Variants in IL27 observed in about 807,000 individuals in gnomAD.
The protein encoded by IL27 is interleukin 27, also known as interleukin-27 subunit alpha.
In IL27, 11 loss-of-function variants were observed where a neutral mutation model predicts 27.0. The observed-to-expected ratio is 0.41, with a 90% CI of 0.26 to 0.67. IL27 has a LOEUF of 0.67. IL27 is among the 30% of genes least tolerant of loss of function. IL27 has a pLI of 0.34. For synonymous variants in IL27, 134 were observed against 140.6 expected (o/e 0.95, Z 0.33); for missense variants, 299 against 310.4 (o/e 0.96, Z 0.28).
At chr16:28,500,956 T>C (rs574832572) in intron 4 of IL27, among the ~76,000 whole-genome samples, 5 of 152,168 alleles carry the variant, frequency 3.3e-5, no homozygotes, top group Admixed American at 1.3e-4. Flanking sequence ...TCCCAGCACT[T>C]TGGGAAGCCG....
intron 4 of IL27, among the ~76,000 whole-genome samples, chr16:28,501,451 CA>C (rs2046428548): frequency 6.7e-6 from 1 of 148,910 alleles, no homozygotes; most frequent in African/African-American, 2.5e-5. Flanking sequence ...CACACCCACA[CA>C]CTCACACACT....
Position 28,503,901 on chromosome 16 carries a change from C to T in IL27, c.181G>A (p.Val61Ile), listed in dbSNP as rs1163603608. ...LHLARKLLSE[V>I]RGQAHRFAES... Reference sequence around the variant, plus strand: ...ACAAAGCGGTGGGCCTGGCCCCGAACCTCGGAGAGCAGCTTCCTGGCGAGA... The same window carrying T: ...ACAAAGCGGTGGGCCTGGCCCCGAATCTCGGAGAGCAGCTTCCTGGCGAGA... Residue 61 changes from valine (V) to isoleucine (I), a missense_variant, in exon 2 of 5, where the codon GTT becomes ATT. Transcript: ENST00000356897. The T allele has an allele frequency of 6.2e-6, 10 of 1,614,100 alleles. No homozygotes were observed. Among genetic ancestry groups the T allele is most frequent in the Non-Finnish European group, 8.5e-6 (10 of 1,180,038 alleles).
At position 28,502,103 on chromosome 16, in the gene IL27, G is replaced by A. The variant is rs147722011; in HGVS notation, c.335C>T (p.Thr112Met). Reference sequence around the variant, plus strand: ...CAGCAGGGCATGGAAGGGCTGAAGCGTGGTGGAGATGAAGCAGAGACGCTC... The same window carrying A: ...CAGCAGGGCATGGAAGGGCTGAAGCATGGTGGAGATGAAGCAGAGACGCTC... ...DPERLCFIST[T>M]LQPFHALLGG... Residue 112 changes from threonine (T) to methionine (M), a missense_variant, in exon 4 of 5, where the codon ACG becomes ATG. Transcript: ENST00000356897. 1.7e-4 allele frequency: 273 copies of A among 1,612,802 alleles called. No individual in the cohort carries two copies. Among genetic ancestry groups the A allele is most frequent in the Non-Finnish European group, 2.0e-4 (238 of 1,179,438 alleles).
intron 4 of IL27, among the ~76,000 whole-genome samples, chr16:28,501,046 AGGCATGAT>A (rs986397950): frequency 6.6e-6 from 1 of 152,054 alleles, no homozygotes; most frequent in Non-Finnish European, 1.5e-5. Flanking sequence ...AAAATTAGCC[AGGCATGAT>A]GGTGCACGCC....
intron 3 of IL27, 51 bp from the exon 4 acceptor site, chr16:28,502,185 T>G: frequency 6.7e-7 from 1 of 1,502,530 alleles, no homozygotes; most frequent in Non-Finnish European, 9.0e-7. Context: ...AGGATGGCCA[T>G]ATCACACCCA....
Position 28,499,704 on chromosome 16 carries a change from C to T in IL27, c.679G>A (p.Ala227Thr). The T allele has an allele frequency of 6.2e-7, 1 of 1,613,530 alleles. No individual in the cohort carries two copies. The highest frequency in any genetic ancestry group is 2.2e-5 in the East Asian group (1 of 44,844). ...CCCAAGGGCCAGACTGAGTGCCCAG[C>T]CTTGGACAGCAGCAGCAACTCCCGC... Reference protein sequence around the residue: ...AVRELLLLSKAGHSVWPLGFP... With the variant: ...AVRELLLLSKTGHSVWPLGFP... Residue 227 changes from alanine (A) to threonine (T), a missense_variant, in exon 5 of 5, where the codon GCT becomes ACT. Physicochemically the swap from Ala to Thr is moderately conservative, Grantham distance 58 (BLOSUM62 0). Coordinates refer to ENST00000356897, the MANE Select transcript of IL27 (RefSeq NM_145659.3).
Position 28,499,638 on chromosome 16 carries a change from A to G in IL27, c.*13T>C, listed in dbSNP as rs1864070231. ...TCTAAAGGGTGGGGGGCAGGGGGCTAAGAAGCCACCGATCAGGGCTGGGGG... is the reference window on the plus strand; with the variant it reads ...TCTAAAGGGTGGGGGGCAGGGGGCTGAGAAGCCACCGATCAGGGCTGGGGG... On this transcript the variant is annotated 3_prime_UTR_variant, in exon 5 of 5. Coordinates refer to ENST00000356897, the MANE Select transcript of IL27 (RefSeq NM_145659.3). 7.5e-6 allele frequency: 12 copies of G among 1,598,390 alleles called. No individual in the cohort carries two copies. The highest frequency in any genetic ancestry group is 1.0e-5 in the Non-Finnish European group (12 of 1,171,088).
At chr16:28,500,632 G>C (rs911886569) in intron 4 of IL27, among the ~76,000 whole-genome samples, 1 of 152,126 alleles carries the variant, frequency 6.6e-6, no homozygotes. Context: ...ATTTCCCTTT[G>C]AAAGGTTCTG....
intron 2 of IL27, 32 bp downstream of exon 2, chr16:28,503,846 T>C (rs746041166): frequency 6.2e-7 from 1 of 1,612,612 alleles, no homozygotes; most frequent in South Asian, 1.1e-5. Context: ...GGTCTGCCCA[T>C]CTCCAGCGCC....
chr16:28,505,541 C>G (rs1446183239), intron 1 of IL27, among the ~76,000 whole-genome samples: 1 of 152,150 alleles, frequency 6.6e-6, no homozygotes, highest in Non-Finnish European at 1.5e-5. Flanking sequence ...TGGTCTCCAA[C>G]TCCTGACCTC....
intron 1 of IL27, 71 bp downstream of exon 1, chr16:28,506,710 C>G (rs1388171558): frequency 2.7e-6 from 4 of 1,492,716 alleles, no homozygotes; most frequent in African/African-American, 2.8e-5. Flanking sequence ...GACCCCCCAT[C>G]TGCACCAGCC....
chr16:28,504,110 G>A (rs1229087996), intron 1 of IL27, 60 bp from the exon 2 acceptor site: 1 of 1,492,688 alleles, frequency 6.7e-7, no homozygotes, highest in Non-Finnish European at 9.1e-7. Context: ...AAGGGAACAT[G>A]CCTTTTCTGA....
Position 28,499,871 on chromosome 16 carries a change from T to A in IL27, c.512A>T (p.Glu171Val). 2 of 1,553,938 alleles carry A rather than the reference T, an allele frequency of 1.3e-6. No individual in the cohort carries two copies. Among genetic ancestry groups the A allele is most frequent in the Non-Finnish European group, 1.7e-6 (2 of 1,148,232 alleles). ...NLPEEEEEEE[E>V]EEEEERKGLL... ...CCCCTTCCTCTCCTCCTCCTCCTCC[T>A]CCTCTTCCTCCTCCTCCTCCTCCGG... is the stretch of plus-strand genomic sequence containing the variant. Residue 171 changes from glutamate (E) to valine (V), a missense_variant, in exon 5 of 5, where the codon GAG (glutamate) becomes GTG (valine). Transcript: ENST00000356897.
chr16:28,503,902 C>G lies in IL27; in HGVS notation c.180G>C (p.Glu60Asp). The change falls in exon 2 of 5, where the codon GAG (glutamate) becomes GAC (aspartate). Residue 60 changes from glutamate (E) to aspartate (D), a missense_variant. Coordinates refer to ENST00000356897, the MANE Select transcript of IL27 (RefSeq NM_145659.3). ...SLHLARKLLS[E>D]VRGQAHRFAE... ...CAAAGCGGTGGGCCTGGCCCCGAACCTCGGAGAGCAGCTTCCTGGCGAGAT... is the reference window on the plus strand; with the variant it reads ...CAAAGCGGTGGGCCTGGCCCCGAACGTCGGAGAGCAGCTTCCTGGCGAGAT... The G allele has an allele frequency of 6.2e-7, 1 of 1,614,204 alleles. No homozygotes were observed. Among genetic ancestry groups the G allele is most frequent in the Non-Finnish European group, 8.5e-7 (1 of 1,180,024 alleles).
chr16:28,499,882 C>T lies in IL27; in HGVS notation c.501G>A (p.Glu167=), dbSNP rs1290998551. Reference sequence around the variant, plus strand: ...CCTCCTCCTCCTCCTCCTCTTCCTCCTCCTCCTCCTCCGGGAGGTTGAATC... The same window carrying T: ...CCTCCTCCTCCTCCTCCTCTTCCTCTTCCTCCTCCTCCGGGAGGTTGAATC... ...AAGFNLPEEE[E]EEEEEEEEER... is the part of the protein sequence containing the mutation. Residue 167 remains glutamate, a synonymous_variant, in exon 5 of 5, where the codon GAG becomes GAA. Coordinates refer to ENST00000356897, the MANE Select transcript of IL27 (RefSeq NM_145659.3). 1.8e-5 allele frequency: 28 copies of T among 1,552,120 alleles called. No individual in the cohort carries two copies. Among genetic ancestry groups the T allele is most frequent in the Non-Finnish European group, 2.4e-5 (27 of 1,147,160 alleles).
intron 3 of IL27, among the ~76,000 whole-genome samples, chr16:28,502,441 C>T (rs1211779882): frequency 6.6e-6 from 1 of 152,076 alleles, no homozygotes; most frequent in Middle Eastern, 3.2e-3. Flanking sequence ...CCTCCACCAT[C>T]CCATCATACC....
At position 28,503,703 on chromosome 16, in the gene IL27, G is replaced by A. The variant is rs774353037; in HGVS notation, c.295C>T (p.Arg99Cys). 22 of 1,609,346 alleles carry A rather than the reference G, an allele frequency of 1.4e-5. No homozygotes were observed. The highest frequency in any genetic ancestry group is 1.7e-5 in the Non-Finnish European group (20 of 1,177,358). Residue 99 changes from arginine (R) to cysteine (C), a missense_variant, in exon 3 of 5, where the codon CGC (arginine) becomes TGC (cysteine). Arg to Cys is a radical substitution (Grantham distance 180). Coordinates refer to ENST00000356897, the MANE Select transcript of IL27 (RefSeq NM_145659.3). ...DVSLTFQAWR[R>C]LSDPERLCFI... ...CACCAGCCCTCACTCACAGAGAGGCGGCGCCAGGCCTGGAAGGTCAGGGAA... is the reference window on the plus strand; with the variant it reads ...CACCAGCCCTCACTCACAGAGAGGCAGCGCCAGGCCTGGAAGGTCAGGGAA...
intron 1 of IL27, 101 bp downstream of exon 1, chr16:28,506,680 A>G (rs1596578267): frequency 1.1e-5 from 13 of 1,206,146 alleles, no homozygotes; most frequent in South Asian, 1.5e-5. Context: ...GTCTTGGCCA[A>G]GTTGCTGCTC....
chr16:28,499,927 G>A lies in IL27; in HGVS notation c.463-7C>T, dbSNP rs1028860852. The A allele has an allele frequency of 4.5e-6, 7 of 1,543,174 alleles. No homozygotes were observed. Among genetic ancestry groups the A allele is most frequent in the African/African-American group, 1.4e-5 (1 of 72,886 alleles). ...TGAATCCTGCAGCCAGCACCTGTGA[G>A]GAGAGGCCATGGGTCAGGGAGGGGC... On this transcript the variant is annotated splice_polypyrimidine_tract_variant and splice_region_variant and intron_variant, in intron 4 of 4. Transcript: ENST00000356897.
Sources: gnomAD v4.1 joint callset for allele counts (sites outside exome capture counted in the v4.1 genomes callset) on GRCh38, gnomAD v4.1.1 for gene constraint, MANE v1.5 for transcripts, NCBI Gene and HGNC (gene_info 2026-07-23, HGNC 2026-07-21) for gene names.